LRP1B: variants seen among roughly 807,000 people sequenced by gnomAD.
LRP1B encodes low-density lipoprotein receptor-related protein 1B.
Under a neutral mutation model 556.6 loss-of-function variants are expected in LRP1B, and 217 were observed. That is an observed-to-expected ratio of 0.39 (90% CI 0.35 to 0.44). The LOEUF (loss-of-function observed/expected upper bound fraction) is 0.44, where lower values mean the gene tolerates loss of function less well. Among genes scored for constraint, LRP1B ranks in the 20% least tolerant of loss-of-function variants. The probability of loss-of-function intolerance (pLI) is 1.00; values close to 1 mark genes in which losing one functional copy is unlikely to be tolerated. For synonymous variants in LRP1B, 2,047 were observed against 1,865.8 expected, an observed-to-expected ratio of 1.10 and a Z score of -2.50; for missense variants, 5,053 against 5,620.8, an observed-to-expected ratio of 0.90 and a Z score of 3.23.
chr2:141,322,990 A>G (rs909970309), intron 3 of LRP1B, among the ~76,000 whole-genome samples: 1 of 152,238 alleles, frequency 6.6e-6, no homozygotes, highest in East Asian at 1.9e-4. Context: ...AATGAAGACA[A>G]CAATACCTTC....
At chr2:141,331,999 G>A (rs1213744263) in intron 3 of LRP1B, among the ~76,000 whole-genome samples, 1 of 152,044 alleles carries the variant, frequency 6.6e-6, no homozygotes, top group Non-Finnish European at 1.5e-5. Context: ...CCTACTCTGT[G>A]AACTCTTCCT....
At chr2:140,823,426 A>G (rs1349265115) in intron 31 of LRP1B, among the ~76,000 whole-genome samples, 2 of 152,184 alleles carry the variant, frequency 1.3e-5, no homozygotes, top group African/African-American at 4.8e-5. Flanking sequence ...TACAATGAGT[A>G]AATAATGCAG....
chr2:141,653,810 G>A (rs1245205187), intron 2 of LRP1B, among the ~76,000 whole-genome samples: 1 of 152,184 alleles, frequency 6.6e-6, no homozygotes, highest in African/African-American at 2.4e-5. Flanking sequence ...GTGAAGCATA[G>A]AGAAGCAGGT....
chr2:141,491,819 A>C (rs1163038121), intron 2 of LRP1B, among the ~76,000 whole-genome samples: 1 of 152,110 alleles, frequency 6.6e-6, no homozygotes, highest in East Asian at 1.9e-4. Flanking sequence ...GGCCACTCTT[A>C]AGAGGCATTT....
chr2:141,554,315 AATAGAC>A (rs1208605642), intron 2 of LRP1B, among the ~76,000 whole-genome samples: 3 of 147,976 alleles, frequency 2.0e-5, no homozygotes, highest in African/African-American at 7.3e-5. Flanking sequence ...TATCTATAGG[AATAGAC>A]ATAGATATAG....
chr2:141,054,545 A>C (rs989894083), intron 10 of LRP1B, among the ~76,000 whole-genome samples: 1 of 152,054 alleles, frequency 6.6e-6, no homozygotes, highest in Non-Finnish European at 1.5e-5. Flanking sequence ...TAAAACAAAG[A>C]TATATCTAAG....
intron 67 of LRP1B, among the ~76,000 whole-genome samples, chr2:140,378,928 G>A (rs985982281): frequency 6.6e-6 from 1 of 152,122 alleles, no homozygotes; most frequent in Non-Finnish European, 1.5e-5. Context: ...AGATAATTTA[G>A]CAGTTATTGA....
At position 141,815,607 on chromosome 2, in the gene LRP1B, G is replaced by T. The variant is rs111750205; in HGVS notation, c.83-5206C>A. On this transcript the variant is annotated intron_variant, in intron 1 of 90. Transcript: ENST00000389484. ...CTCTGTAAAATGCACCAATCAGCAGGATCCTAAAAGTAGCCACTTGGAGGG... is the reference window on the plus strand; with the variant it reads ...CTCTGTAAAATGCACCAATCAGCAGTATCCTAAAAGTAGCCACTTGGAGGG... 4.8e-3 allele frequency among the ~76,000 whole-genome samples: 726 copies of T among 152,236 alleles called. 2 individuals carry two copies. Among genetic ancestry groups the T allele is most frequent in the Middle Eastern group, 0.02 (6 of 294 alleles).
At chr2:141,044,656 G>A (rs202225891) in intron 11 of LRP1B, among the ~76,000 whole-genome samples, 1 of 151,894 alleles carries the variant, frequency 6.6e-6, no homozygotes, top group Admixed American at 6.6e-5. Flanking sequence ...TGCACCAAAA[G>A]ACACATGAAA....
At chr2:140,876,758 A>G (rs2105173881) in intron 25 of LRP1B, among the ~76,000 whole-genome samples, 1 of 152,322 alleles carries the variant, frequency 6.6e-6, no homozygotes, top group African/African-American at 2.4e-5. Context: ...GATTCCTTCT[A>G]TGGAACAAAA....
intron 41 of LRP1B, among the ~76,000 whole-genome samples, chr2:140,696,331 T>A (rs56146048): frequency 0.06 from 9,179 of 152,180 alleles, 414 homozygotes; most frequent in Middle Eastern, 0.11. Context: ...TTGCAATGGT[T>A]AAGCAAAGGG....
At chr2:141,391,445 A>G (rs563632327) in intron 3 of LRP1B, among the ~76,000 whole-genome samples, 1 of 152,312 alleles carries the variant, frequency 6.6e-6, no homozygotes, top group East Asian at 1.9e-4. Flanking sequence ...CACACAGTGC[A>G]GGCTTACAGG....
At chr2:141,196,366 T>C (rs939146429) in intron 6 of LRP1B, among the ~76,000 whole-genome samples, 9 of 152,098 alleles carry the variant, frequency 5.9e-5, no homozygotes, top group African/African-American at 2.2e-4. Flanking sequence ...AACGACTTTC[T>C]GCTATATAAG....
intron 31 of LRP1B, among the ~76,000 whole-genome samples, chr2:140,826,111 G>A (rs1691493381): frequency 6.6e-6 from 1 of 152,176 alleles, no homozygotes; most frequent in South Asian, 2.1e-4. Context: ...GCCTGAGAGT[G>A]TCAAGCATGT....
At chr2:141,864,733 A>G (rs1337707232) in intron 1 of LRP1B, among the ~76,000 whole-genome samples, 1 of 151,928 alleles carries the variant, frequency 6.6e-6, no homozygotes, top group African/African-American at 2.4e-5. Context: ...AATACAAAAA[A>G]TATCTGGGCG....
intron 34 of LRP1B, 50 bp downstream of exon 34, chr2:140,770,831 T>C: frequency 4.8e-6 from 7 of 1,471,768 alleles, no homozygotes; most frequent in Non-Finnish European, 6.3e-6. Context: ...TGGTATGTAA[T>C]GATTAGTGAA....
rs140991483 is a variant in LRP1B, at chr2:141,173,585, T to C, written c.1013+14836A>G. ...TTCAGACTTAAGTGATATAGATTAA[T>C]AGTCTATATTGTGGGGCTAAGTTTC... On this transcript the variant is annotated intron_variant, in intron 7 of 90. Coordinates refer to ENST00000389484, the MANE Select transcript of LRP1B (RefSeq NM_018557.3). Among the ~76,000 whole-genome samples, 497 of 152,202 alleles carry C rather than the reference T, an allele frequency of 3.3e-3. 3 individuals are homozygous for C. Among genetic ancestry groups the C allele is most frequent in the Non-Finnish European group, 5.5e-3 (377 of 67,990 alleles).
chr2:141,954,071 C>T (rs866642046), intron 1 of LRP1B, among the ~76,000 whole-genome samples: 5 of 152,078 alleles, frequency 3.3e-5, no homozygotes, highest in Admixed American at 6.6e-5. Flanking sequence ...CACAAGCAAT[C>T]GCTGAGAGTA....
chr2:141,511,217 T>G (rs35390851), intron 2 of LRP1B, among the ~76,000 whole-genome samples: 22,037 of 152,122 alleles, frequency 0.14, 1,743 homozygotes, highest in African/African-American at 0.18. Context: ...TAATTATAAT[T>G]TATATGTCTC....
Sources: allele counts gnomAD v4.1 joint callset (sites outside exome capture counted in the v4.1 genomes callset), GRCh38; gene constraint gnomAD v4.1.1; transcripts MANE v1.5; gene names NCBI Gene and HGNC (gene_info 2026-07-23, HGNC 2026-07-21).